PPP3CA: variants seen among roughly 807,000 people sequenced by gnomAD.
PPP3CA encodes protein phosphatase 3 catalytic subunit alpha, also known as CAM-PRP catalytic subunit.
PPP3CA carries 14 observed loss-of-function variants against 66.5 expected under a neutral mutation model. The observed-to-expected ratio is 0.21, with a 90% CI of 0.14 to 0.33. The LOEUF is 0.33. Ranked by LOEUF, PPP3CA falls within the 10% of genes least tolerant of loss-of-function variation. PPP3CA has a pLI of 1.00. For synonymous variants in PPP3CA, 232 were observed against 226.2 expected, an observed-to-expected ratio of 1.03 and a Z score of -0.23; for missense variants, 317 against 639.5, an observed-to-expected ratio of 0.50 and a Z score of 5.44.
At chr4:101,338,476 G>A (rs1729706241) in intron 1 of PPP3CA, among the ~76,000 whole-genome samples, 1 of 152,180 alleles carries the variant, frequency 6.6e-6, no homozygotes, top group African/African-American at 2.4e-5. Context: ...TAACAACTAT[G>A]TATCAAATGC....
chr4:101,285,293 A>G (rs1484292397), intron 1 of PPP3CA, among the ~76,000 whole-genome samples: 1 of 152,184 alleles, frequency 6.6e-6, no homozygotes, highest in Middle Eastern at 3.2e-3. Flanking sequence ...TATCTTATCA[A>G]GTAGTAGAAG....
chr4:101,173,994 G>A (rs1236901971), intron 2 of PPP3CA, among the ~76,000 whole-genome samples: 1 of 152,016 alleles, frequency 6.6e-6, no homozygotes, highest in Non-Finnish European at 1.5e-5. Context: ...CGAGGCTGCT[G>A]TGAGCTATGA....
intron 6 of PPP3CA, among the ~76,000 whole-genome samples, chr4:101,085,829 CGT>C (rs1016148460): frequency 1.4e-5 from 2 of 138,046 alleles, no homozygotes; most frequent in African/African-American, 6.0e-5. Context: ...AAAAGCACTG[CGT>C]ATATACACAC....
intron 1 of PPP3CA, 50 bp downstream of exon 1, chr4:101,346,689 T>G: frequency 6.5e-7 from 1 of 1,540,800 alleles, no homozygotes; most frequent in Non-Finnish European, 8.9e-7. Context: ...CAAGCTGCCC[T>G]GGCGCCTGCG....
chr4:101,337,922 G>A (rs1033450964), intron 1 of PPP3CA, among the ~76,000 whole-genome samples: 4 of 152,192 alleles, frequency 2.6e-5, no homozygotes, highest in African/African-American at 7.2e-5. Flanking sequence ...GCCTGTACTC[G>A]TGATGGGCCT....
At chr4:101,196,162 A>C in intron 1 of PPP3CA, 46 bp from the exon 2 acceptor site, 1 of 1,551,388 alleles carries the variant, frequency 6.4e-7, no homozygotes. Flanking sequence ...AAACTCAACA[A>C]CAAACAATGC....
At chr4:101,298,542 T>G (rs1268223711) in intron 1 of PPP3CA, among the ~76,000 whole-genome samples, 1 of 152,032 alleles carries the variant, frequency 6.6e-6, no homozygotes, top group Admixed American at 6.6e-5. Flanking sequence ...CTACTCAATG[T>G]AAAGGCAACA....
At chr4:101,095,562 T>C (rs534866911) in intron 5 of PPP3CA, among the ~76,000 whole-genome samples, 2 of 152,186 alleles carry the variant, frequency 1.3e-5, no homozygotes, top group African/African-American at 2.4e-5. Flanking sequence ...GGTGATATTT[T>C]AAAAAATCTA....
chr4:101,055,471 C>G (rs994620234), intron 10 of PPP3CA, among the ~76,000 whole-genome samples: 4 of 152,092 alleles, frequency 2.6e-5, no homozygotes, highest in African/African-American at 9.7e-5. Context: ...TAAATTAGAT[C>G]ATCAAAAGAC....
chr4:101,162,043 C>T (rs548827017), intron 2 of PPP3CA, among the ~76,000 whole-genome samples: 4 of 152,126 alleles, frequency 2.6e-5, no homozygotes, highest in Non-Finnish European at 4.4e-5. Flanking sequence ...AGTTCGAAAC[C>T]GGCCTGGCCA....
intron 1 of PPP3CA, among the ~76,000 whole-genome samples, chr4:101,289,156 G>C (rs1392524859): frequency 6.7e-6 from 1 of 148,814 alleles, no homozygotes; most frequent in African/African-American, 2.5e-5. Context: ...ATACTCAAAA[G>C]AAAAGTTACA....
intron 2 of PPP3CA, among the ~76,000 whole-genome samples, chr4:101,167,569 TA>T (rs1158541499): frequency 1.3e-5 from 2 of 151,802 alleles, no homozygotes; most frequent in African/African-American, 4.8e-5. Flanking sequence ...AACTAATAAA[TA>T]AAAAAAACTG....
chr4:101,193,937 A>G (rs1724704657), intron 2 of PPP3CA, among the ~76,000 whole-genome samples: 1 of 152,182 alleles, frequency 6.6e-6, no homozygotes, highest in South Asian at 2.1e-4. Flanking sequence ...TTATTAATAA[A>G]AAGTAGGAGG....
At chr4:101,133,567 T>G (rs1722519160) in intron 2 of PPP3CA, among the ~76,000 whole-genome samples, 2 of 152,056 alleles carry the variant, frequency 1.3e-5, no homozygotes, top group South Asian at 4.2e-4. Flanking sequence ...CAAGCAGAAC[T>G]ACAAACCACT....
rs771195363 is a variant in PPP3CA at position 101,098,555 on chromosome 4, G to C, written c.497-43C>G. 3.9e-6 allele frequency: 6 copies of C among 1,527,938 alleles called. 1 individual carries two copies. The South Asian group carries it at 7.8e-5, about 20-fold the overall frequency. The allele number at this position is 1,527,938 out of a possible 1,614,324, so 94.6% of individuals were successfully genotyped here. On this transcript the variant is annotated intron_variant, in intron 4 of 13. Coordinates refer to ENST00000394854, the MANE Select transcript of PPP3CA (RefSeq NM_000944.5). ...AAGAATACTTATGATTTATAGGCAGGATCATTTCACTGAAATAGTTTTGGT... is the reference window on the plus strand; with the variant it reads ...AAGAATACTTATGATTTATAGGCAGCATCATTTCACTGAAATAGTTTTGGT...
At chr4:101,244,695 T>C (rs1472277398) in intron 1 of PPP3CA, among the ~76,000 whole-genome samples, 1 of 152,186 alleles carries the variant, frequency 6.6e-6, no homozygotes, top group East Asian at 1.9e-4. Flanking sequence ...GCATACACTT[T>C]ATATGTTTCA....
intron 2 of PPP3CA, among the ~76,000 whole-genome samples, chr4:101,187,165 C>T (rs1247190064): frequency 6.6e-6 from 1 of 152,154 alleles, no homozygotes; most frequent in Non-Finnish European, 1.5e-5. Flanking sequence ...TACTGCTGCA[C>T]TGTCATTAGG....
At chr4:101,280,090 G>A (rs933155863) in intron 1 of PPP3CA, among the ~76,000 whole-genome samples, 2 of 152,102 alleles carry the variant, frequency 1.3e-5, no homozygotes, top group Non-Finnish European at 2.9e-5. Flanking sequence ...TAAGAAATGG[G>A]AACACATTAG....
rs1024960943 is a variant in PPP3CA at position 101,023,949 on chromosome 4, G to A, written c.*1916C>T. 6.6e-6 allele frequency: 1 copy of A among 152,618 alleles called. No homozygotes were observed. Among genetic ancestry groups the A allele is most frequent in the Non-Finnish European group, 1.5e-5 (1 of 68,042 alleles). The allele number at this position is 152,618 out of a possible 1,614,324, so 9.5% of individuals were successfully genotyped here. ...TACAAATGCAACTCTTTTCTGTGAT[G>A]AAAATGCACTTAGTAGCCTAGTACT... On this transcript the variant is annotated 3_prime_UTR_variant, in exon 14 of 14. Transcript: ENST00000394854.
Sources: allele counts gnomAD v4.1 joint callset (sites outside exome capture counted in the v4.1 genomes callset), GRCh38; gene constraint gnomAD v4.1.1; transcripts MANE v1.5; gene names NCBI Gene and HGNC (gene_info 2026-07-23, HGNC 2026-07-21).